The following HS6ST3 variants were observed in gnomAD, a reference collection of about 807,000 sequenced individuals.
The protein encoded by HS6ST3 is heparan sulfate 6-O-sulfotransferase 3.
HS6ST3 carries 12 observed loss-of-function variants against 36.7 expected under a neutral mutation model. The observed-to-expected ratio is 0.33, with a 90% CI of 0.21 to 0.53. HS6ST3 has a LOEUF of 0.53. Among genes scored for constraint, HS6ST3 ranks in the 20% least tolerant of loss-of-function variants. The pLI, the probability that HS6ST3 is intolerant of heterozygous loss-of-function variation, is 0.95. For synonymous variants in HS6ST3, 240 were observed against 257.5 expected, an observed-to-expected ratio of 0.93 and a Z score of 0.65; for missense variants, 584 against 640.9, an observed-to-expected ratio of 0.91 and a Z score of 0.96.
chr13:96,462,235 A>G (rs1394141460), intron 1 of HS6ST3, among the ~76,000 whole-genome samples: 3 of 151,926 alleles, frequency 2.0e-5, no homozygotes, highest in Non-Finnish European at 4.4e-5. Flanking sequence ...ATGCCAGACT[A>G]GTTTTTAAAG....
intron 1 of HS6ST3, among the ~76,000 whole-genome samples, chr13:96,790,566 C>T (rs1442166049): frequency 6.6e-6 from 1 of 151,920 alleles, no homozygotes; most frequent in Non-Finnish European, 1.5e-5. Flanking sequence ...TCAGAGTCAA[C>T]CAATATTTTT....
intron 1 of HS6ST3, among the ~76,000 whole-genome samples, chr13:96,172,909 A>G (rs2054194970): frequency 6.6e-6 from 1 of 152,232 alleles, no homozygotes; most frequent in Non-Finnish European, 1.5e-5. Flanking sequence ...AGAATTTTAC[A>G]TGTTATCTCA....
chr13:96,747,833 T>C (rs1203036780), intron 1 of HS6ST3, among the ~76,000 whole-genome samples: 1 of 151,894 alleles, frequency 6.6e-6, no homozygotes, highest in African/African-American at 2.4e-5. Flanking sequence ...GCTCAAAAAA[T>C]GATGATGCTA....
chr13:96,727,961 T>G (rs1212854506), intron 1 of HS6ST3, among the ~76,000 whole-genome samples: 3 of 152,182 alleles, frequency 2.0e-5, no homozygotes, highest in Non-Finnish European at 2.9e-5. Flanking sequence ...AGGCATTGTT[T>G]GATAAATTTT....
intron 1 of HS6ST3, among the ~76,000 whole-genome samples, chr13:96,773,533 C>T (rs1297715305): frequency 2.0e-5 from 3 of 152,134 alleles, no homozygotes; most frequent in Admixed American, 1.3e-4. Flanking sequence ...AAGCAATTTT[C>T]CCCTCACAGT....
At chr13:96,739,374 A>G (rs1023111051) in intron 1 of HS6ST3, among the ~76,000 whole-genome samples, 1 of 151,478 alleles carries the variant, frequency 6.6e-6, no homozygotes, top group African/African-American at 2.4e-5. Flanking sequence ...TCCATTCCCT[A>G]ACTTTATACT....
chr13:96,791,544 A>G (rs1221062632), intron 1 of HS6ST3, among the ~76,000 whole-genome samples: 2 of 152,080 alleles, frequency 1.3e-5, no homozygotes, highest in African/African-American at 2.4e-5. Context: ...TTTATTTACC[A>G]TAAATATACC....
chr13:96,632,570 C>T (rs1447759615), intron 1 of HS6ST3, among the ~76,000 whole-genome samples: 1 of 152,178 alleles, frequency 6.6e-6, no homozygotes, highest in East Asian at 1.9e-4. Context: ...AAAGCAGCAA[C>T]CCTTGGATAC....
intron 1 of HS6ST3, among the ~76,000 whole-genome samples, chr13:96,817,176 G>A (rs1037343361): frequency 6.6e-6 from 1 of 152,162 alleles, no homozygotes; most frequent in Admixed American, 6.5e-5. Flanking sequence ...TGGCTGTTTG[G>A]GGGGTGCACG....
chr13:96,619,800 C>T lies in HS6ST3; in HGVS notation c.708-212690C>T, dbSNP rs190864908. On this transcript the variant is annotated intron_variant, in intron 1 of 1. Transcript: ENST00000376705. Reference sequence around the variant, plus strand: ...TTTTATTTTAATATCCCATATTCTACAGTAATGGCACATGCACCCTTACAG... The same window carrying T: ...TTTTATTTTAATATCCCATATTCTATAGTAATGGCACATGCACCCTTACAG... 3.1e-3 allele frequency among the ~76,000 whole-genome samples: 472 copies of T among 152,296 alleles called. 2 individuals carry two copies. The highest frequency in any genetic ancestry group is 5.3e-3 in the Non-Finnish European group (358 of 68,024).
chr13:96,136,682 C>CATT (rs2054003425), intron 1 of HS6ST3, among the ~76,000 whole-genome samples: 1 of 130,516 alleles, frequency 7.7e-6, no homozygotes, highest in Non-Finnish European at 1.6e-5. Flanking sequence ...TGTTATGAAA[C>CATT]ATATATATAT....
chr13:96,226,677 T>A (rs940058865), intron 1 of HS6ST3, among the ~76,000 whole-genome samples: 1 of 152,236 alleles, frequency 6.6e-6, no homozygotes, highest in Non-Finnish European at 1.5e-5. Flanking sequence ...TTCTGTCTTA[T>A]ACATAGTGAA....
At chr13:96,394,905 A>G (rs2055413371) in intron 1 of HS6ST3, among the ~76,000 whole-genome samples, 2 of 152,198 alleles carry the variant, frequency 1.3e-5, no homozygotes, top group Non-Finnish European at 2.9e-5. Context: ...ACTGTGTGAA[A>G]CTAATGGATA....
chr13:96,447,400 A>G (rs1184906055), intron 1 of HS6ST3, among the ~76,000 whole-genome samples: 1 of 152,168 alleles, frequency 6.6e-6, no homozygotes, highest in Non-Finnish European at 1.5e-5. Flanking sequence ...AGGAGTTACT[A>G]AGAAATTATT....
intron 1 of HS6ST3, among the ~76,000 whole-genome samples, chr13:96,509,426 A>T (rs929363818): frequency 8.5e-5 from 13 of 152,164 alleles, no homozygotes; most frequent in African/African-American, 3.1e-4. Context: ...GCCTAAACCA[A>T]TGTCTAGAAG....
chr13:96,753,267 A>AAAC (rs1876742432), intron 1 of HS6ST3, among the ~76,000 whole-genome samples: 1 of 152,208 alleles, frequency 6.6e-6, no homozygotes, highest in Non-Finnish European at 1.5e-5. Context: ...TTTCAAAACA[A>AAAC]AACAACCCTC....
At chr13:96,394,611 A>G (rs1334212767) in intron 1 of HS6ST3, among the ~76,000 whole-genome samples, 1 of 152,196 alleles carries the variant, frequency 6.6e-6, no homozygotes, top group Non-Finnish European at 1.5e-5. Context: ...TCATTTGTAT[A>G]AAACTGTATA....
intron 1 of HS6ST3, among the ~76,000 whole-genome samples, chr13:96,513,266 A>AT (rs943362412): frequency 3.4e-4 from 50 of 146,268 alleles, no homozygotes; most frequent in Admixed American, 1.1e-3. Context: ...CTTTCTGTGT[A>AT]TTTTTTTTTT....
chr13:96,137,587 C>T (rs1215406013), intron 1 of HS6ST3, among the ~76,000 whole-genome samples: 5 of 152,010 alleles, frequency 3.3e-5, no homozygotes, highest in Non-Finnish European at 7.4e-5. Context: ...GCATGTGCCA[C>T]CACACCTGGC....
Sources: gnomAD v4.1 joint callset for allele counts (sites outside exome capture counted in the v4.1 genomes callset) on GRCh38, gnomAD v4.1.1 for gene constraint, MANE v1.5 for transcripts, NCBI Gene and HGNC (gene_info 2026-07-23, HGNC 2026-07-21) for gene names.